PBX1: variants seen among roughly 807,000 people sequenced by gnomAD.
PBX1 encodes the protein pre-B-cell leukemia transcription factor 1.
PBX1 carries 6 observed loss-of-function variants against 53.4 expected under a neutral mutation model. That is an observed-to-expected ratio of 0.11 (90% CI 0.06 to 0.22). The LOEUF (loss-of-function observed/expected upper bound fraction) is 0.22, where lower values mean the gene tolerates loss of function less well. PBX1 is among the 10% of genes least tolerant of loss of function. The probability of loss-of-function intolerance (pLI) is 1.00; values close to 1 mark genes in which losing one functional copy is unlikely to be tolerated. For missense variants in PBX1, 251 were observed against 551.4 expected (o/e 0.46, Z 5.46); for synonymous variants, 204 against 212.3 (o/e 0.96, Z 0.34).
rs765717583 is a variant in PBX1, at chr1:164,799,845, G to T, written c.657G>T (p.Thr219=). The T allele has an allele frequency of 1.4e-5, 23 of 1,613,810 alleles. 1 individual carries two copies. The East Asian group carries it at 3.6e-4, about 25-fold the overall frequency. The stretch of plus-strand genomic sequence containing the variant: ...TCCAGATGCAGCTCAAGCAGAGCAC[G>T]TGCGAGGCGGTGATGATCCTGCGTT... ...SSIQMQLKQS[T]CEAVMILRSR... Residue 219 remains threonine (T), a synonymous_variant, in exon 4 of 9, where the codon ACG becomes ACT. Transcript: ENST00000420696.
At chr1:164,781,156 G>T (rs1220408086) in intron 2 of PBX1, among the ~76,000 whole-genome samples, 2 of 152,160 alleles carry the variant, frequency 1.3e-5, no homozygotes, top group African/African-American at 2.4e-5. Context: ...ATGCATTTGT[G>T]AGATGACTGT....
At chr1:164,840,535 G>A (rs1345179952) in intron 8 of PBX1, among the ~76,000 whole-genome samples, 1 of 152,176 alleles carries the variant, frequency 6.6e-6, no homozygotes, top group Non-Finnish European at 1.5e-5. Flanking sequence ...GCTCAGGGTG[G>A]TAACTGGGAT....
intron 2 of PBX1, chr1:164,684,599 A>G (rs999870851): frequency 6.6e-6 from 1 of 152,202 alleles, no homozygotes; most frequent in Non-Finnish European, 1.5e-5. Flanking sequence ...TTCTAGATTC[A>G]TAGACCCAAA....
chr1:164,869,223 C>T (rs1169599277), intron 2 of PBX1, among the ~76,000 whole-genome samples: 4 of 152,136 alleles, frequency 2.6e-5, no homozygotes, highest in Non-Finnish European at 4.4e-5. Context: ...GCAACAGTGA[C>T]GATGGCAGTC....
chr1:164,873,209 T>C (rs1266835179), intron 2 of PBX1, among the ~76,000 whole-genome samples: 3 of 152,242 alleles, frequency 2.0e-5, no homozygotes, highest in Admixed American at 2.0e-4. Context: ...ATTCATGTTT[T>C]GATCAGTACA....
At chr1:164,811,565 AT>A (rs1669613604) in intron 5 of PBX1, among the ~76,000 whole-genome samples, 1 of 152,238 alleles carries the variant, frequency 6.6e-6, no homozygotes, top group African/African-American at 2.4e-5. Flanking sequence ...GAAAGCACCT[AT>A]ATGGACATTT....
intron 2 of PBX1, among the ~76,000 whole-genome samples, chr1:164,607,748 A>G (rs986074829): frequency 2.0e-5 from 3 of 152,194 alleles, no homozygotes; most frequent in Non-Finnish European, 4.4e-5. Flanking sequence ...ATATTTGGCA[A>G]GGTGGTTAGT....
intron 2 of PBX1, among the ~76,000 whole-genome samples, chr1:164,675,717 C>T (rs1276597117): frequency 6.6e-6 from 1 of 152,132 alleles, no homozygotes; most frequent in Non-Finnish European, 1.5e-5. Context: ...GACTGAAACC[C>T]AGACCCCGCC....
intron 2 of PBX1, among the ~76,000 whole-genome samples, chr1:164,773,236 A>AACATGCACACACAC (rs1667464031): frequency 1.0e-4 from 5 of 48,010 alleles, no homozygotes; most frequent in African/African-American, 2.0e-4. Flanking sequence ...GCATATAGGT[A>AACATGCACACACAC]ACACGCGCAC....
At chr1:164,738,774 T>C (rs1665432063) in intron 2 of PBX1, among the ~76,000 whole-genome samples, 1 of 152,222 alleles carries the variant, frequency 6.6e-6, no homozygotes, top group Non-Finnish European at 1.5e-5. Flanking sequence ...AGATGCATAG[T>C]TCAAATTAAT....
At chr1:164,794,808 G>C (rs998642107) in intron 3 of PBX1, among the ~76,000 whole-genome samples, 5 of 152,192 alleles carry the variant, frequency 3.3e-5, no homozygotes, top group Non-Finnish European at 7.4e-5. Flanking sequence ...CTGTCCTCCA[G>C]ATTTGTCCTC....
chr1:164,708,391 AT>A (rs559398093), intron 2 of PBX1, among the ~76,000 whole-genome samples: 124 of 150,682 alleles, frequency 8.2e-4, no homozygotes, highest in African/African-American at 2.9e-3. Context: ...TTTAAAAAAA[AT>A]ATTTTCTTTT....
chr1:164,720,209 T>C (rs1664328547), intron 2 of PBX1, among the ~76,000 whole-genome samples: 1 of 152,198 alleles, frequency 6.6e-6, no homozygotes, highest in Non-Finnish European at 1.5e-5. Context: ...TTTTTTGTTT[T>C]AGAAAATCCT....
At chr1:164,704,883 T>C (rs556996071) in intron 2 of PBX1, among the ~76,000 whole-genome samples, 1 of 152,344 alleles carries the variant, frequency 6.6e-6, no homozygotes, top group East Asian at 1.9e-4. Context: ...TATGGTGAAG[T>C]AATATATTGT....
At chr1:164,595,849 G>T (rs79341200) in intron 2 of PBX1, among the ~76,000 whole-genome samples, 2 of 152,082 alleles carry the variant, frequency 1.3e-5, no homozygotes, top group African/African-American at 4.8e-5. Flanking sequence ...CACCCAGCCT[G>T]GGCTAGCTAG....
Position 164,735,286 on chromosome 1 carries a change from A to C in PBX1, c.266-57208A>C, listed in dbSNP as rs552297953. 2.6e-5 allele frequency among the ~76,000 whole-genome samples: 4 copies of C among 152,324 alleles called. No homozygotes were observed. In the South Asian group the frequency reaches 8.3e-4, roughly 32 times the overall value. On this transcript the variant is annotated intron_variant, in intron 2 of 8. Transcript: ENST00000420696. ...CCTAGATATGCATAATTTATATATG[A>C]GATTAAGTTATATGTATTATGCGTC... is the stretch of plus-strand genomic sequence containing the variant.
At chr1:164,735,580 T>C (rs1157329644) in intron 2 of PBX1, among the ~76,000 whole-genome samples, 1 of 152,170 alleles carries the variant, frequency 6.6e-6, no homozygotes, top group East Asian at 1.9e-4. Context: ...ATGAAACATA[T>C]TCATTTAGCT....
rs71583414 is a variant in PBX1, at chr1:164,603,929, A to ATTTTTTTTTTTTTTTTTTTTTTTTTT, written c.265+40626_265+40651dup. Among the ~76,000 whole-genome samples the ATTTTTTTTTTTTTTTTTTTTTTTTTT allele has an allele frequency of 2.6e-5, 2 of 75,738 alleles. 1 individual carries two copies. The highest frequency in any genetic ancestry group is 1.2e-4 in the African/African-American group (2 of 16,184). The allele number at this position is 75,738 out of a possible 152,430, so 49.7% of individuals were successfully genotyped here. A position where few individuals can be genotyped will look rare whatever the true frequency, so the allele number is the denominator to read the frequency against. The stretch of plus-strand genomic sequence containing the variant: ...GACACTCTGTACATTATGTCATTTC[A>ATTTTTTTTTTTTTTTTTTTTTTTTTT]TTTTTTTTTTTTTTTTTTTTTTTTT... On this transcript the variant is annotated intron_variant, in intron 2 of 8. Transcript: ENST00000420696.
intron 8 of PBX1, among the ~76,000 whole-genome samples, chr1:164,836,871 T>C (rs935629318): frequency 7.9e-5 from 12 of 152,186 alleles, no homozygotes; most frequent in Admixed American, 3.9e-4. Flanking sequence ...CCACAAATAA[T>C]AGGCTTCAAA....
Sources: gnomAD v4.1 joint callset for allele counts (sites outside exome capture counted in the v4.1 genomes callset) on GRCh38, gnomAD v4.1.1 for gene constraint, MANE v1.5 for transcripts, NCBI Gene and HGNC (gene_info 2026-07-23, HGNC 2026-07-21) for gene names.